Variants in SORCS1 observed in about 807,000 individuals in gnomAD.
SORCS1 encodes the protein VPS10 domain-containing receptor SorCS1.
Under a neutral mutation model 146.1 loss-of-function variants are expected in SORCS1, and 60 were observed. The ratio of observed to expected loss-of-function variants is 0.41; its 90% CI spans 0.33 to 0.51. The LOEUF (loss-of-function observed/expected upper bound fraction) is 0.51, where lower values mean the gene tolerates loss of function less well. Ranked by LOEUF, SORCS1 falls within the 20% of genes least tolerant of loss-of-function variation. The pLI, the probability that SORCS1 is intolerant of heterozygous loss-of-function variation, is 0.21. For synonymous variants in SORCS1, 637 were observed against 584.0 expected, an observed-to-expected ratio of 1.09 and a Z score of -1.31; for missense variants, 1,352 against 1,487.6, an observed-to-expected ratio of 0.91 and a Z score of 1.50.
At chr10:106,977,589 AT>A (rs35526585) in intron 1 of SORCS1, among the ~76,000 whole-genome samples, 10,110 of 133,380 alleles carry the variant, frequency 0.076, 340 homozygotes, top group Middle Eastern at 0.11. Flanking sequence ...CATTCATTGG[AT>A]TTTTTTTTTT....
upstream of SORCS1, among the ~76,000 whole-genome samples, chr10:107,166,759 C>T (rs1318926119): frequency 6.6e-6 from 1 of 152,132 alleles, no homozygotes; most frequent in Non-Finnish European, 1.5e-5. Context: ...CATGGGAATT[C>T]CTCCAAGAAA....
chr10:107,073,477 G>C lies in SORCS1; in HGVS notation c.558+90492C>G, dbSNP rs574831037. On this transcript the variant is annotated intron_variant, in intron 1 of 25. Coordinates refer to ENST00000263054, the MANE Select transcript of SORCS1 (RefSeq NM_052918.5). The stretch of plus-strand genomic sequence containing the variant: ...ATCTAATTGAGTTTACCCTCAATTA[G>C]ACTTAGAGACATGAATTCAATAACA... 4.6e-5 allele frequency among the ~76,000 whole-genome samples: 7 copies of C among 152,186 alleles called. No homozygotes were observed. In the East Asian group the frequency reaches 5.8e-4, roughly 13 times the overall value.
rs1481427363 is a variant in SORCS1, at chr10:106,695,876, A to G, written c.1413+3338T>C. Among the ~76,000 whole-genome samples the G allele has an allele frequency of 2.0e-5, 3 of 152,298 alleles. No homozygotes were observed. In the East Asian group the frequency reaches 5.8e-4, roughly 29 times the overall value. On this transcript the variant is annotated intron_variant, in intron 9 of 25. Transcript: ENST00000263054. ...GTACCCTCAACACTTTGTCTCCAGC[A>G]TTTCTCTCTCTCATTCCACACACAC...
chr10:107,048,584 T>G (rs72812905), intron 1 of SORCS1, among the ~76,000 whole-genome samples: 1,624 of 152,306 alleles, frequency 0.011, 15 homozygotes, highest in South Asian at 0.029. Context: ...TAATAATATC[T>G]AATAAGTACT....
chr10:106,706,587 A>C lies in SORCS1; in HGVS notation c.1191T>G (p.Asn397Lys), dbSNP rs779512423. Residue 397 changes from asparagine to lysine, a missense_variant, in exon 8 of 26, where the codon AAT (asparagine) becomes AAG (lysine). Around this residue, in one of 3 missense-constraint regions of SORCS1, gnomAD observed 648 missense variants for 793.8 expected, o/e 0.82. Coordinates refer to ENST00000263054, the MANE Select transcript of SORCS1 (RefSeq NM_052918.5). ...RPHYYVSYRR[N>K]AFAQMKLPKY... ...TCGGAAGCTTCATTTGGGCAAATGC[A>C]TTCCTTCGGTAGGACACGTAGTAAT... The C allele has an allele frequency of 6.2e-7, 1 of 1,614,086 alleles. No homozygotes were observed. Among genetic ancestry groups the C allele is most frequent in the East Asian group, 2.2e-5 (1 of 44,890 alleles).
At position 106,665,878 on chromosome 10, in the gene SORCS1, G is replaced by A. The variant is rs138915106; in HGVS notation, c.2303+1811C>T. Among the ~76,000 whole-genome samples the A allele has an allele frequency of 1.0e-3, 157 of 152,028 alleles. 2 individuals are homozygous for A. The East Asian group carries it at 0.015, about 15-fold the overall frequency. ...TTTTGAGACAGAGTCTCACTCTGCC[G>A]CCCAGGCTGGAGTGCAGTGGCACGA... On this transcript the variant is annotated intron_variant, in intron 17 of 25. Transcript: ENST00000263054.
chr10:106,602,970 G>T (rs1234705857), intron 23 of SORCS1, among the ~76,000 whole-genome samples: 4 of 152,076 alleles, frequency 2.6e-5, no homozygotes, highest in African/African-American at 9.7e-5. Flanking sequence ...TCTGCCAACC[G>T]TGTAGAGTAA....
intron 3 of SORCS1, among the ~76,000 whole-genome samples, chr10:106,821,298 T>G (rs1948010107): frequency 6.6e-6 from 1 of 152,180 alleles, no homozygotes; most frequent in Admixed American, 6.5e-5. Flanking sequence ...AACCAAAAGA[T>G]AGAGTCTATT....
At chr10:107,083,664 C>T (rs1029934437) in intron 1 of SORCS1, among the ~76,000 whole-genome samples, 2 of 152,174 alleles carry the variant, frequency 1.3e-5, no homozygotes, top group Non-Finnish European at 2.9e-5. Flanking sequence ...GATTCTTAAC[C>T]TACTCCTAGC....
At position 107,005,452 on chromosome 10, in the gene SORCS1, G is replaced by GT. The variant is rs560143356; in HGVS notation, c.559-48873dup. On this transcript the variant is annotated intron_variant, in intron 1 of 25. Coordinates refer to ENST00000263054, the MANE Select transcript of SORCS1 (RefSeq NM_052918.5). ...AATCATATAGATATGAGAAATTATG[G>GT]TTTTTTTTGAAAACTTTCACAAATA... Among the ~76,000 whole-genome samples, 13 of 151,854 alleles carry GT rather than the reference G, an allele frequency of 8.6e-5. 1 individual carries two copies. Among genetic ancestry groups the GT allele is most frequent in the South Asian group, 4.2e-4 (2 of 4,804 alleles).
intron 1 of SORCS1, among the ~76,000 whole-genome samples, chr10:107,036,596 C>A (rs1440678112): frequency 6.6e-6 from 1 of 152,158 alleles, no homozygotes; most frequent in Admixed American, 6.5e-5. Flanking sequence ...GGTTGATTGG[C>A]CCAAAGAGTC....
intron 2 of SORCS1, among the ~76,000 whole-genome samples, chr10:106,917,036 C>A (rs1952478728): frequency 6.6e-6 from 1 of 152,238 alleles, no homozygotes; most frequent in Admixed American, 6.5e-5. Flanking sequence ...AGCCACCGCA[C>A]CCAGCCCACT....
At chr10:106,964,193 A>G (rs1287982221) in intron 1 of SORCS1, among the ~76,000 whole-genome samples, 1 of 152,264 alleles carries the variant, frequency 6.6e-6, no homozygotes, top group Non-Finnish European at 1.5e-5. Context: ...ATCAGAATAC[A>G]GAGATAGGCT....
chr10:106,900,778 A>G (rs759814748), intron 2 of SORCS1, among the ~76,000 whole-genome samples: 6 of 152,214 alleles, frequency 3.9e-5, no homozygotes, highest in Non-Finnish European at 7.3e-5. Flanking sequence ...ACAGTATCCA[A>G]TACTATGTTT....
intron 2 of SORCS1, among the ~76,000 whole-genome samples, chr10:106,831,744 A>C (rs553242952): frequency 6.6e-6 from 1 of 152,304 alleles, no homozygotes; most frequent in Admixed American, 6.5e-5. Flanking sequence ...ATTTATACAT[A>C]GATGGCAAAC....
intron 2 of SORCS1, among the ~76,000 whole-genome samples, chr10:106,949,191 T>A (rs910229110): frequency 6.6e-6 from 1 of 152,180 alleles, no homozygotes; most frequent in Non-Finnish European, 1.5e-5. Context: ...CTGTGTGACA[T>A]GAAGGATTCT....
At chr10:106,910,536 G>A (rs1212422227) in intron 2 of SORCS1, among the ~76,000 whole-genome samples, 2 of 152,120 alleles carry the variant, frequency 1.3e-5, no homozygotes, top group African/African-American at 2.4e-5. Flanking sequence ...GAAGAAATGT[G>A]TAGTATCCAG....
chr10:106,751,732 T>G (rs1430705511), intron 5 of SORCS1, among the ~76,000 whole-genome samples: 1 of 152,192 alleles, frequency 6.6e-6, no homozygotes, highest in African/African-American at 2.4e-5. Flanking sequence ...GCTCTCTAAT[T>G]TAACTAATGA....
intron 1 of SORCS1, among the ~76,000 whole-genome samples, chr10:107,016,303 C>G (rs1388354608): frequency 2.6e-5 from 4 of 152,130 alleles, no homozygotes; most frequent in South Asian, 2.1e-4. Context: ...TATGGGAAAA[C>G]AGAAAATGAA....
Sources: allele counts gnomAD v4.1 joint callset (sites outside exome capture counted in the v4.1 genomes callset), GRCh38; gene constraint gnomAD v4.1.1; regional missense constraint gnomAD v4.1.1; transcripts MANE v1.5; gene names NCBI Gene and HGNC (gene_info 2026-07-23, HGNC 2026-07-21).